GPR158: variants seen among roughly 807,000 people sequenced by gnomAD.
GPR158 encodes G protein-coupled receptor 158.
A neutral mutation model predicts 78.2 loss-of-function variants in GPR158; 30 were observed. That is an observed-to-expected ratio of 0.38 (90% confidence interval 0.29 to 0.52). GPR158 has a LOEUF of 0.52. Among genes scored for constraint, GPR158 ranks in the 20% least tolerant of loss-of-function variants. GPR158 has a pLI of 0.83. For synonymous variants in GPR158, 581 were observed against 591.1 expected (o/e 0.98, Z 0.25); for missense variants, 1,463 against 1,523.5 (o/e 0.96, Z 0.66).
At chr10:25,399,964 G>A (rs188469514) in intron 3 of GPR158, among the ~76,000 whole-genome samples, 1 of 152,262 alleles carries the variant, frequency 6.6e-6, no homozygotes, top group Non-Finnish European at 1.5e-5. Flanking sequence ...CCCAACATAT[G>A]AGCTAACATG....
In GPR158 at chr10:25,598,524, G is replaced by A; in HGVS notation, c.2898G>A (p.Glu966=). The part of the protein sequence containing the change: ...PAPQNSNPAE[E]PRKPQKSGIM... ...CCCAAAACTCAAATCCTGCGGAGGA[G>A]CCAAGAAAGCCTCAGAAATCTGGGA... The change falls in exon 11 of 11, where the codon GAG becomes GAA. Residue 966 remains glutamate, a synonymous_variant. Coordinates refer to ENST00000376351, the MANE Select transcript of GPR158 (RefSeq NM_020752.3). 6.2e-7 allele frequency: 1 copy of A among 1,613,178 alleles called. No homozygotes were observed. Among genetic ancestry groups the A allele is most frequent in the Non-Finnish European group, 8.5e-7 (1 of 1,179,796 alleles).
intron 3 of GPR158, among the ~76,000 whole-genome samples, chr10:25,400,187 C>G (rs1588845557): frequency 6.6e-6 from 1 of 152,000 alleles, no homozygotes; most frequent in South Asian, 2.1e-4. Flanking sequence ...AGAATGAATT[C>G]TACAATAGGA....
In GPR158 at chr10:25,433,025, A is replaced by G. The variant is rs546246850; in HGVS notation, c.1335+20552A>G. Among the ~76,000 whole-genome samples, 5 of 152,346 alleles carry G rather than the reference A, an allele frequency of 3.3e-5. No homozygotes were observed. In the South Asian group the frequency reaches 1.0e-3, roughly 32 times the overall value. On this transcript the variant is annotated intron_variant, in intron 4 of 10. Transcript: ENST00000376351. ...ACGTATAGTGAATGACTTTGGGGCT[A>G]TAGAATTCTTACAGTCACCATTTTA... is the stretch of plus-strand genomic sequence containing the variant.
chr10:25,585,940 C>T (rs546793747), intron 7 of GPR158, among the ~76,000 whole-genome samples: 36 of 152,062 alleles, frequency 2.4e-4, no homozygotes, highest in Non-Finnish European at 4.4e-4. Context: ...GATCGTGCCA[C>T]AACACTCCAG....
intron 2 of GPR158, among the ~76,000 whole-genome samples, chr10:25,324,231 T>G (rs1223064468): frequency 2.0e-5 from 3 of 152,270 alleles, no homozygotes; most frequent in African/African-American, 7.2e-5. Context: ...TCTTGGCTTT[T>G]GACCTGCTTT....
intron 3 of GPR158, among the ~76,000 whole-genome samples, chr10:25,403,343 G>A (rs1390154183): frequency 6.6e-6 from 1 of 151,866 alleles, no homozygotes; most frequent in Non-Finnish European, 1.5e-5. Flanking sequence ...ACAATTACAG[G>A]TGAACGTTTT....
chr10:25,516,162 T>G (rs1055445629), intron 5 of GPR158, among the ~76,000 whole-genome samples: 2 of 152,084 alleles, frequency 1.3e-5, no homozygotes, highest in African/African-American at 2.4e-5. Flanking sequence ...GCTGCATAAA[T>G]GTCTTCTTTT....
intron 5 of GPR158, among the ~76,000 whole-genome samples, chr10:25,488,577 G>A (rs1407473974): frequency 1.3e-5 from 2 of 152,134 alleles, no homozygotes; most frequent in African/African-American, 4.8e-5. Flanking sequence ...AGGTTGCTGA[G>A]GTACTGATTA....
At chr10:25,532,867 T>C (rs1360085198) in intron 5 of GPR158, among the ~76,000 whole-genome samples, 2 of 152,208 alleles carry the variant, frequency 1.3e-5, no homozygotes, top group Non-Finnish European at 2.9e-5. Context: ...ATCTACATAT[T>C]CCTTTTGATG....
At chr10:25,582,714 T>C (rs1157702624) in intron 7 of GPR158, among the ~76,000 whole-genome samples, 2 of 152,222 alleles carry the variant, frequency 1.3e-5, no homozygotes, top group Non-Finnish European at 2.9e-5. Flanking sequence ...TACTCCTGCC[T>C]TTTTAAAGGA....
At chr10:25,264,500 T>C (rs1854014638) in intron 2 of GPR158, among the ~76,000 whole-genome samples, 1 of 152,130 alleles carries the variant, frequency 6.6e-6, no homozygotes, top group South Asian at 2.1e-4. Context: ...CAAGCCATAA[T>C]ATTACTCCCA....
chr10:25,428,691 A>G (rs1460782704), intron 4 of GPR158, among the ~76,000 whole-genome samples: 1 of 152,098 alleles, frequency 6.6e-6, no homozygotes, highest in Non-Finnish European at 1.5e-5. Context: ...TTACCAAAGG[A>G]GAATGTATCA....
At chr10:25,361,464 G>A (rs1005777088) in intron 2 of GPR158, among the ~76,000 whole-genome samples, 6 of 151,906 alleles carry the variant, frequency 3.9e-5, no homozygotes, top group African/African-American at 1.2e-4. Context: ...AAGTAGAATT[G>A]CAGGATCATA....
Position 25,598,157 on chromosome 10 carries a change from CA to C in GPR158, c.2532del (p.Glu845LysfsTer13), listed in dbSNP as rs1837436971. 6.2e-7 allele frequency: 1 copy of C among 1,614,130 alleles called. No homozygotes were observed. Among genetic ancestry groups the C allele is most frequent in the African/African-American group, 1.3e-5 (1 of 75,036 alleles). On this transcript the variant is annotated frameshift_variant, in exon 11 of 11. Transcript: ENST00000376351. LOFTEE classifies it low-confidence loss of function (END_TRUNC). ...ACAGAAAGCCAAGAGGAGGAGACAA[CA>C]GAAAATTCCACACTGGAATCCCTGT... ...LPTESQEEET[T>X]ENSTLESLSG...
chr10:25,239,711 T>C (rs890747744), intron 2 of GPR158, among the ~76,000 whole-genome samples: 3 of 152,148 alleles, frequency 2.0e-5, no homozygotes, highest in African/African-American at 7.2e-5. Context: ...TTAAAGCCCC[T>C]TTCTTTGTCT....
At chr10:25,595,098 C>G (rs1188515047) in intron 9 of GPR158, among the ~76,000 whole-genome samples, 1 of 152,044 alleles carries the variant, frequency 6.6e-6, no homozygotes, top group Non-Finnish European at 1.5e-5. Flanking sequence ...TACATAAACA[C>G]AATATTAGAA....
intron 2 of GPR158, among the ~76,000 whole-genome samples, chr10:25,339,276 C>G (rs1019774288): frequency 6.6e-6 from 1 of 152,112 alleles, no homozygotes. Flanking sequence ...CATCAGCCAC[C>G]AGGCCTAGCT....
intron 5 of GPR158, among the ~76,000 whole-genome samples, chr10:25,531,963 T>G (rs529426415): frequency 1.3e-5 from 2 of 152,280 alleles, no homozygotes; most frequent in African/African-American, 4.8e-5. Flanking sequence ...AAATAGATGC[T>G]TATTTCTGCC....
In GPR158 at chr10:25,537,106, G is replaced by C. The variant is rs145752298; in HGVS notation, c.1405-13870G>C. 6.6e-4 allele frequency among the ~76,000 whole-genome samples: 100 copies of C among 152,294 alleles called. 1 individual carries two copies. The highest frequency in any genetic ancestry group is 2.4e-3 in the African/African-American group (98 of 41,560). On this transcript the variant is annotated intron_variant, in intron 5 of 10. Transcript: ENST00000376351. ...AAATGATTGTAATCAATCTAAAGTA[G>C]ACAATGCATTCAAGATGTTCTTGCT... is the stretch of plus-strand genomic sequence containing the variant.
Sources: allele counts gnomAD v4.1 joint callset (sites outside exome capture counted in the v4.1 genomes callset), GRCh38; gene constraint gnomAD v4.1.1; transcripts MANE v1.5; gene names NCBI Gene and HGNC (gene_info 2026-07-23, HGNC 2026-07-21).